The following FYN variants were observed in gnomAD, a reference collection of about 807,000 sequenced individuals.
FYN encodes the protein FYN proto-oncogene, Src family tyrosine kinase.
A neutral mutation model predicts 70.2 loss-of-function variants in FYN; 10 were observed. That is an observed-to-expected ratio of 0.14 (90% CI 0.09 to 0.24). The LOEUF (loss-of-function observed/expected upper bound fraction) is 0.24, where lower values mean the gene tolerates loss of function less well. FYN is among the 10% of genes least tolerant of loss of function. FYN has a pLI of 1.00. For synonymous variants in FYN, 236 were observed against 248.6 expected (o/e 0.95, Z 0.48); for missense variants, 319 against 673.1 (o/e 0.47, Z 5.82).
intron 3 of FYN, among the ~76,000 whole-genome samples, chr6:111,762,153 ATCTGGCTCTGGCTTT>A (rs1170074233): frequency 3.3e-5 from 5 of 152,206 alleles, no homozygotes; most frequent in Non-Finnish European, 7.3e-5. Context: ...TGTTCATTTT[ATCTGGCTCTGGCTTT>A]CCACGAGCAG....
chr6:111,754,515 A>C (rs1216248798), intron 3 of FYN: 1 of 152,168 alleles, frequency 6.6e-6, no homozygotes, highest in Admixed American at 6.5e-5. Flanking sequence ...TTTCTAAACC[A>C]AGTTGGATCT....
chr6:111,837,334 C>T (rs1562539616), intron 2 of FYN, among the ~76,000 whole-genome samples: 1 of 151,002 alleles, frequency 6.6e-6, no homozygotes, highest in East Asian at 1.9e-4. Context: ...TTCAGTTTTG[C>T]TTTTTTTTTA....
At chr6:111,672,807 C>T (rs779824733) in intron 13 of FYN, among the ~76,000 whole-genome samples, 3 of 152,200 alleles carry the variant, frequency 2.0e-5, no homozygotes, top group African/African-American at 4.8e-5. Flanking sequence ...ACTGAAGCTA[C>T]GCTGAATGAA....
intron 3 of FYN, among the ~76,000 whole-genome samples, chr6:111,724,116 T>A (rs905867167): frequency 6.6e-6 from 1 of 152,174 alleles, no homozygotes; most frequent in Non-Finnish European, 1.5e-5. Flanking sequence ...TATTTAAAAT[T>A]TCCCTAGTCC....
intron 8 of FYN, among the ~76,000 whole-genome samples, chr6:111,701,105 A>G (rs1007582102): frequency 6.6e-6 from 1 of 152,118 alleles, no homozygotes; most frequent in African/African-American, 2.4e-5. Flanking sequence ...TATTCTTTAT[A>G]AAAAAAAGAA....
intron 2 of FYN, among the ~76,000 whole-genome samples, chr6:111,831,460 G>GTA (rs879552636): frequency 9.2e-5 from 14 of 152,076 alleles, no homozygotes; most frequent in Non-Finnish European, 1.8e-4. Flanking sequence ...AGTTTAATAT[G>GTA]TATAGGATTT....
rs75091138 is a variant in FYN at position 111,835,035 on chromosome 6, T to C, written c.-82+11554A>G. Among the ~76,000 whole-genome samples, 14 of 152,326 alleles carry C rather than the reference T, an allele frequency of 9.2e-5. No homozygotes were observed. In the East Asian group the frequency reaches 2.5e-3, roughly 27 times the overall value. ...CCTGGTCTTGGTACCATGGCCTGAATTTAGACAAAATAGGAATTTTTATTG... is the reference window on the plus strand; with the variant it reads ...CCTGGTCTTGGTACCATGGCCTGAACTTAGACAAAATAGGAATTTTTATTG... On this transcript the variant is annotated intron_variant, in intron 2 of 13. Coordinates refer to ENST00000354650, the MANE Select transcript of FYN (RefSeq NM_002037.5).
rs542673803 is a variant in FYN at position 111,795,668 on chromosome 6, G to GT, written c.-81-15034dup. 4.8e-3 allele frequency among the ~76,000 whole-genome samples: 725 copies of GT among 152,352 alleles called. 8 individuals carry two copies. The highest frequency in any genetic ancestry group is 0.014 in the African/African-American group (582 of 41,588). ...GTAGCAAAATCAGAAACAGAAGGGT[G>GT]TTCTAATTGAACCAAGACACAGAAA... On this transcript the variant is annotated intron_variant, in intron 2 of 13. Coordinates refer to ENST00000354650, the MANE Select transcript of FYN (RefSeq NM_002037.5).
chr6:111,795,019 C>T (rs1307523556), intron 2 of FYN, among the ~76,000 whole-genome samples: 1 of 152,152 alleles, frequency 6.6e-6, no homozygotes, highest in African/African-American at 2.4e-5. Flanking sequence ...AACCTGTGGT[C>T]CCGAGTCAAT....
rs1308742248 is a variant in FYN, at chr6:111,873,006, C to T, written c.-161G>A. On this transcript the variant is annotated 5_prime_UTR_variant, in exon 1 of 14. Coordinates refer to ENST00000354650, the MANE Select transcript of FYN (RefSeq NM_002037.5). ...AGGCTCCGGAGCCCACTCACATGGTCCTCTCCCCGCCCTCCTCCGGCGCGG... is the reference window on the plus strand; with the variant it reads ...AGGCTCCGGAGCCCACTCACATGGTTCTCTCCCCGCCCTCCTCCGGCGCGG... 6.7e-6 allele frequency: 1 copy of T among 149,256 alleles called. No individual in the cohort carries two copies. The highest frequency in any genetic ancestry group is 2.4e-5 in the African/African-American group (1 of 41,042). The allele number at this position is 149,256 out of a possible 1,614,324, so 9.2% of individuals were successfully genotyped here. A position where few individuals can be genotyped will look rare whatever the true frequency, so the allele number is the denominator to read the frequency against.
rs867882530 is a variant in FYN, at chr6:111,860,336, C to A, written c.-123+12632G>T. On this transcript the variant is annotated intron_variant, in intron 1 of 13. Coordinates refer to ENST00000354650, the MANE Select transcript of FYN (RefSeq NM_002037.5). ...CTTCAGTGGATCATTCCTGCATGTT[C>A]TAGCTCAACCATGGGCTAGACTGAA... Among the ~76,000 whole-genome samples, 28 of 152,320 alleles carry A rather than the reference C, an allele frequency of 1.8e-4. No homozygotes were observed. The Middle Eastern group carries it at 0.01, about 56-fold the overall frequency.
chr6:111,753,351 G>C (rs1802570753), intron 3 of FYN, among the ~76,000 whole-genome samples: 2 of 152,162 alleles, frequency 1.3e-5, no homozygotes, highest in Non-Finnish European at 2.9e-5. Context: ...CTAGATACTA[G>C]AACAATGAAG....
chr6:111,824,748 C>T (rs1772779518), intron 2 of FYN, among the ~76,000 whole-genome samples: 1 of 152,144 alleles, frequency 6.6e-6, no homozygotes, highest in South Asian at 2.1e-4. Flanking sequence ...TTTTCAGACC[C>T]TGTCCCCTCC....
intron 3 of FYN, among the ~76,000 whole-genome samples, chr6:111,742,208 C>A (rs1244353292): frequency 6.6e-6 from 1 of 152,156 alleles, no homozygotes; most frequent in African/African-American, 2.4e-5. Flanking sequence ...GGTTAAGGAA[C>A]TTCCCTAAGA....
chr6:111,706,571 C>T (rs1356173124), intron 6 of FYN, among the ~76,000 whole-genome samples: 1 of 151,864 alleles, frequency 6.6e-6, no homozygotes, highest in African/African-American at 2.4e-5. Context: ...ATTAGAATGC[C>T]GTGTAAAACA....
chr6:111,681,753 C>A (rs1798789968), intron 12 of FYN, among the ~76,000 whole-genome samples: 1 of 152,118 alleles, frequency 6.6e-6, no homozygotes, highest in African/African-American at 2.4e-5. Context: ...TAAACATACA[C>A]TGAGCGCTTG....
intron 2 of FYN, among the ~76,000 whole-genome samples, chr6:111,796,377 CT>C (rs1440273092): frequency 6.6e-6 from 1 of 152,094 alleles, no homozygotes; most frequent in Admixed American, 6.6e-5. Flanking sequence ...TTATAATTAC[CT>C]ACAGTATTTA....
At position 111,661,262 on chromosome 6, in the gene FYN, AAAAC is replaced by A. The variant is rs1382029458; in HGVS notation, c.*473_*476del. ...ATTCATATTTATAAAAAAGAAAACA[AAAAC>A]AAACACCTGTCCTGATTGGTTTTTG... On this transcript the variant is annotated 3_prime_UTR_variant, in exon 14 of 14. Transcript: ENST00000354650. The surrounding 1 kb of genome is among the most constrained non-coding windows in gnomAD (Gnocchi z 4.0). The A allele has an allele frequency of 1.3e-5, 2 of 152,804 alleles. No individual in the cohort carries two copies. The allele number at this position is 152,804 out of a possible 1,614,324, so 9.5% of individuals were successfully genotyped here. A position where few individuals can be genotyped will look rare whatever the true frequency, so the allele number is the denominator to read the frequency against.
At chr6:111,813,937 A>G (rs1224378064) in intron 2 of FYN, 2 of 152,246 alleles carry the variant, frequency 1.3e-5, no homozygotes, top group African/African-American at 4.8e-5. Flanking sequence ...CAGAAGGCAC[A>G]GAAGTATCAA....
Sources: gnomAD v4.1 joint callset for allele counts (sites outside exome capture counted in the v4.1 genomes callset) on GRCh38, gnomAD v4.1.1 for gene constraint, Gnocchi (gnomAD v3.1) non-coding constraint, MANE v1.5 for transcripts, NCBI Gene and HGNC (gene_info 2026-07-23, HGNC 2026-07-21) for gene names.